Variants in CPLANE1 observed in about 807,000 individuals in gnomAD.
CPLANE1 encodes the protein ciliogenesis and planar polarity effector 1.
CPLANE1 carries 263 observed loss-of-function variants against 362.5 expected under a neutral mutation model. The ratio of observed to expected loss-of-function variants is 0.73; its 90% CI spans 0.66 to 0.80. The LOEUF is 0.80. Ranked by LOEUF, CPLANE1 falls within the 30% of genes least tolerant of loss-of-function variation. CPLANE1 has a pLI of 0.00. For synonymous variants in CPLANE1, 1,212 were observed against 1,302.6 expected, an observed-to-expected ratio of 0.93 and a Z score of 1.50; for missense variants, 3,461 against 3,793.4, an observed-to-expected ratio of 0.91 and a Z score of 2.30.
chr5:37,148,752 T>A (rs536691822), intron 42 of CPLANE1, among the ~76,000 whole-genome samples: 5 of 152,206 alleles, frequency 3.3e-5, no homozygotes, highest in East Asian at 1.9e-4. Context: ...GAGCATTTTT[T>A]AAAAATATAC....
intron 46 of CPLANE1, among the ~76,000 whole-genome samples, chr5:37,133,335 A>G (rs1418784593): frequency 6.6e-6 from 1 of 152,104 alleles, no homozygotes; most frequent in Non-Finnish European, 1.5e-5. Context: ...CTTGATAGAA[A>G]TAGTGTTGAA....
At chr5:37,085,824 G>T in the CPLANE1 span, 13 of 1,378,564 alleles carry the variant, frequency 9.4e-6, no homozygotes, top group African/African-American at 1.4e-5. Context: ...AGAGACAAAA[G>T]ACTGGGGGCC....
intron 6 of CPLANE1, 40 bp downstream of exon 6, chr5:37,242,973 A>G (rs1019131974): frequency 1.4e-6 from 2 of 1,424,394 alleles, no homozygotes; most frequent in Admixed American, 4.7e-5. Flanking sequence ...AAAAGAAAAA[A>G]AAATCAGTAA....
intron 20 of CPLANE1, among the ~76,000 whole-genome samples, chr5:37,197,178 A>T (rs1787784529): frequency 1.3e-5 from 2 of 152,104 alleles, no homozygotes; most frequent in Admixed American, 6.5e-5. Flanking sequence ...ATTTAAATAT[A>T]TTTGGAGATG....
rs1791925791 is a variant in CPLANE1 at position 37,209,346 on chromosome 5, G to A, written c.2921-2921C>T. ...CGGCGGGGCGAGCGAGGCGGGCTCC[G>A]GAGGAAGCTGACGGCTGATGATGGC... is the stretch of plus-strand genomic sequence containing the variant. On this transcript the variant is annotated intron_variant, in intron 16 of 52. Coordinates refer to ENST00000651892, the MANE Select transcript of CPLANE1 (RefSeq NM_001384732.1). This position sits in a 1 kb window ranked among gnomAD's most constrained non-coding sequence, Gnocchi z 4.6. 1.6e-5 allele frequency: 15 copies of A among 949,624 alleles called. No individual in the cohort carries two copies. In the Admixed American group the frequency reaches 1.7e-4, roughly 11 times the overall value. The allele number at this position is 949,624 out of a possible 1,614,324, so 58.8% of individuals were successfully genotyped here.
the CPLANE1 span, among the ~76,000 whole-genome samples, chr5:37,096,120 A>C: frequency 3.9e-5 from 6 of 152,322 alleles, no homozygotes; most frequent in Admixed American, 6.5e-5. Context: ...ACATAGCCAA[A>C]GCAAGACTAA....
chr5:37,121,619 T>G lies in CPLANE1; in HGVS notation c.9183A>C (p.Arg3061Ser). The change falls in exon 49 of 53, where the codon AGA (arginine) becomes AGC (serine). Residue 3061 changes from arginine to serine, a missense_variant and splice_region_variant. Coordinates refer to ENST00000651892, the MANE Select transcript of CPLANE1 (RefSeq NM_001384732.1). ...TGGCATGTGAAACCTTGTCTTACCC[T>G]CTTGGAGAAGGGCAGTGTTGACAAC... ...SSSCQHCPSPRGENQHGHSFL... is the reference protein window; with the variant it reads ...SSSCQHCPSPSGENQHGHSFL... 1 of 1,614,058 alleles carries G rather than the reference T, an allele frequency of 6.2e-7. No homozygotes were observed. Among genetic ancestry groups the G allele is most frequent in the Non-Finnish European group, 8.5e-7 (1 of 1,179,946 alleles).
intron 1 of CPLANE1, among the ~76,000 whole-genome samples, chr5:37,248,946 G>A (rs1740779016): frequency 6.6e-6 from 1 of 152,246 alleles, no homozygotes; most frequent in Non-Finnish European, 1.5e-5. Context: ...CGGGTCCGGT[G>A]CCGAGGTGTG....
At position 37,180,934 on chromosome 5, in the gene CPLANE1, G is replaced by A. The variant is rs779957666; in HGVS notation, c.5493C>T (p.Gly1831=). 12 of 1,613,448 alleles carry A rather than the reference G, an allele frequency of 7.4e-6. No homozygotes were observed. The African/African-American group carries it at 8.0e-5, about 11-fold the overall frequency. Reference sequence around the variant, plus strand: ...CTGGAGTTGCTACTGCAACTGAACCGCCAGCATCTGATTTGCTCTCCCTCT... The same window carrying A: ...CTGGAGTTGCTACTGCAACTGAACCACCAGCATCTGATTTGCTCTCCCTCT... ...NIERESKSDA[G]GSVAVATPGG... The change falls in exon 27 of 53, where the codon GGC becomes GGT. Residue 1831 remains glycine (G), a synonymous_variant. Transcript: ENST00000651892.
At chr5:37,152,730 T>A (rs942875048) in intron 42 of CPLANE1, among the ~76,000 whole-genome samples, 4 of 151,968 alleles carry the variant, frequency 2.6e-5, no homozygotes, top group African/African-American at 9.7e-5. Context: ...CACAAAAAAA[T>A]TTTAAAAACT....
chr5:37,230,205 T>C (rs1052376298), intron 9 of CPLANE1, among the ~76,000 whole-genome samples: 14 of 140,618 alleles, frequency 1.0e-4, no homozygotes, highest in African/African-American at 3.4e-4. Flanking sequence ...AAACTAAGAA[T>C]GAAAATTTAA....
rs1036304670 is a variant in CPLANE1, at chr5:37,157,568, G to A, written c.8011+102C>T. 3 of 1,153,312 alleles carry A rather than the reference G, an allele frequency of 2.6e-6. No individual in the cohort carries two copies. In the African/African-American group the frequency reaches 4.6e-5, roughly 18 times the overall value. 71.4% of individuals were successfully genotyped at this position (1,153,312 alleles called of 1,614,324 possible). The stretch of plus-strand genomic sequence containing the variant: ...GTGCATGTAAACATCCAAAAATACA[G>A]TGGGTTTGTAGGAGGAGAGGTAAGA... On this transcript the variant is annotated intron_variant, in intron 40 of 52. Transcript: ENST00000651892.
In CPLANE1 at chr5:37,125,329, C is replaced by T. The variant is rs533791946; in HGVS notation, c.8873G>A (p.Arg2958Gln). The change falls in exon 47 of 53, where the codon CGA becomes CAA. Residue 2958 changes from arginine (R) to glutamine (Q), a missense_variant. By Grantham distance (43) the Arg-to-Gln change is conservative. Coordinates refer to ENST00000651892, the MANE Select transcript of CPLANE1 (RefSeq NM_001384732.1). ...REIQAWMKRK[R>Q]KERMAKYLNE... Reference sequence around the variant, plus strand: ...TAAGTACTTTGCCATTCTTTCTTTTCGTTTTCTTTTCATCCAGGCTTGAAT... The same window carrying T: ...TAAGTACTTTGCCATTCTTTCTTTTTGTTTTCTTTTCATCCAGGCTTGAAT... 71 of 1,613,856 alleles carry T rather than the reference C, an allele frequency of 4.4e-5. No individual in the cohort carries two copies. Among genetic ancestry groups the T allele is most frequent in the South Asian group, 4.4e-4 (40 of 91,064 alleles).
chr5:37,238,849 G>GT lies in CPLANE1; in HGVS notation c.938+7dup. On this transcript the variant is annotated splice_region_variant and intron_variant, in intron 8 of 52. Coordinates refer to ENST00000651892, the MANE Select transcript of CPLANE1 (RefSeq NM_001384732.1). ...AAAGAAAAAAAAGACAGACAAAAGAGTTCTTACCTAATAAGTGTAGCTGGA... is the reference window on the plus strand; with the variant it reads ...AAAGAAAAAAAAGACAGACAAAAGAGTTTCTTACCTAATAAGTGTAGCTGGA... 3.5e-6 allele frequency: 5 copies of GT among 1,441,450 alleles called. No individual in the cohort carries two copies. Among genetic ancestry groups the GT allele is most frequent in the Non-Finnish European group, 4.7e-6 (5 of 1,075,180 alleles). The allele number at this position is 1,441,450 out of a possible 1,614,324, so 89.3% of individuals were successfully genotyped here. A position where few individuals can be genotyped will look rare whatever the true frequency, so the allele number is the denominator to read the frequency against.
intron 9 of CPLANE1, among the ~76,000 whole-genome samples, chr5:37,228,735 T>C (rs540926848): frequency 1.3e-5 from 2 of 152,240 alleles, no homozygotes; most frequent in South Asian, 4.1e-4. Flanking sequence ...AAGTATTTAG[T>C]TTTCCACATT....
chr5:37,194,006 C>T (rs532926977), intron 21 of CPLANE1, among the ~76,000 whole-genome samples: 5 of 151,608 alleles, frequency 3.3e-5, no homozygotes, highest in Non-Finnish European at 7.4e-5. Context: ...ACTGCAACCT[C>T]CATCTCCCAG....
intron 8 of CPLANE1, among the ~76,000 whole-genome samples, chr5:37,235,567 C>CTTTTTTTTTTT (rs546612161): frequency 1.1e-5 from 1 of 93,362 alleles, no homozygotes; most frequent in Non-Finnish European, 2.0e-5. Flanking sequence ...TATCTAATTT[C>CTTTTTTTTTTT]TTTTTTTTTT....
intron 44 of CPLANE1, 125 bp from the exon 45 acceptor site, chr5:37,139,495 T>C (rs922949951): frequency 8.4e-6 from 9 of 1,070,324 alleles, no homozygotes; most frequent in Non-Finnish European, 1.1e-5. Flanking sequence ...AATTGGTTTA[T>C]AGATATATAT....
In CPLANE1 at chr5:37,184,885, G is replaced by A; in HGVS notation, c.4384C>T (p.Leu1462Phe). 1 of 1,614,088 alleles carries A rather than the reference G, an allele frequency of 6.2e-7. No individual in the cohort carries two copies. Among genetic ancestry groups the A allele is most frequent in the Non-Finnish European group, 8.5e-7 (1 of 1,179,974 alleles). The change falls in exon 25 of 53, where the codon CTC (leucine) becomes TTC (phenylalanine). Residue 1462 changes from leucine (L) to phenylalanine (F), a missense_variant. Physicochemically the swap from Leu to Phe is conservative, Grantham distance 22. This residue lies in a region of CPLANE1 where 3,380 missense variants were observed against 3,666.1 expected (regional missense o/e 0.92). Coordinates refer to ENST00000651892, the MANE Select transcript of CPLANE1 (RefSeq NM_001384732.1). The stretch of plus-strand genomic sequence containing the variant: ...ACCACAGAATCTCCTAGTTCTGTGA[G>A]TGTACTTCTGCTCAAACTAGTCCCC... ...SLGTSLSRST[L>F]TELGDSVVHS...
Sources: allele counts gnomAD v4.1 joint callset (sites outside exome capture counted in the v4.1 genomes callset), GRCh38; gene constraint gnomAD v4.1.1; regional missense constraint gnomAD v4.1.1; non-coding constraint Gnocchi (gnomAD v3.1); transcripts MANE v1.5; gene names NCBI Gene and HGNC (gene_info 2026-07-23, HGNC 2026-07-21).